The following NIBAN2 variants were observed in gnomAD, a reference collection of about 807,000 sequenced individuals.
The protein encoded by NIBAN2 is niban apoptosis regulator 2.
NIBAN2 carries 36 observed loss-of-function variants against 81.8 expected under a neutral mutation model. The ratio of observed to expected loss-of-function variants is 0.44; its 90% CI spans 0.34 to 0.58. NIBAN2 has a LOEUF of 0.58. NIBAN2 is among the 20% of genes least tolerant of loss of function. NIBAN2 has a pLI of 0.02. For missense variants in NIBAN2, 897 were observed against 1,014.1 expected (o/e 0.88, Z 1.57); for synonymous variants, 445 against 441.6 (o/e 1.01, Z -0.10).
intron 1 of NIBAN2, among the ~76,000 whole-genome samples, chr9:127,566,148 T>C (rs947026463): frequency 1.3e-5 from 2 of 151,916 alleles, no homozygotes; most frequent in Non-Finnish European, 2.9e-5. Context: ...AAAAAGATAT[T>C]ACTCCAAGGT....
chr9:127,540,703 G>A (rs10116135), intron 1 of NIBAN2, among the ~76,000 whole-genome samples: 16,478 of 152,218 alleles, frequency 0.11, 1,463 homozygotes, highest in Admixed American at 0.28. Context: ...CACGGACGGG[G>A]GACCCAAGAG....
intron 1 of NIBAN2, among the ~76,000 whole-genome samples, chr9:127,553,480 C>A (rs1464886193): frequency 2.6e-5 from 4 of 152,212 alleles, no homozygotes; most frequent in Non-Finnish European, 1.5e-5. Flanking sequence ...TGCCAGGTAC[C>A]AGGGGTGGCC....
Position 127,508,145 on chromosome 9 carries a change from A to C in NIBAN2, c.1490T>G (p.Leu497Arg). The change falls in exon 12 of 14, where the codon CTG becomes CGG. Residue 497 changes from leucine to arginine, a missense_variant. This residue lies in a region of NIBAN2 where 619 missense variants were observed against 691.0 expected (regional missense o/e 0.90). Transcript: ENST00000373312. The surrounding 1 kb of genome is among the most constrained non-coding windows in gnomAD (Gnocchi z 6.4). ...GAGCAGGAACGGGATGCTGATCTGC[A>C]GCAGCGCCTCCCGGAAGAACCTCTT... ...VRKRFFREALLQISIPFLLKK... is the reference protein window; with the variant it reads ...VRKRFFREALRQISIPFLLKK... 6.2e-7 allele frequency: 1 copy of C among 1,613,650 alleles called. No homozygotes were observed. The highest frequency in any genetic ancestry group is 2.2e-5 in the East Asian group (1 of 44,884).
chr9:127,543,903 C>A (rs1052356322), intron 1 of NIBAN2, among the ~76,000 whole-genome samples: 11 of 152,176 alleles, frequency 7.2e-5, no homozygotes, highest in African/African-American at 2.7e-4. Flanking sequence ...AGAGGCAGAT[C>A]CCATATATGC....
chr9:127,540,424 G>A (rs571406879), intron 1 of NIBAN2, among the ~76,000 whole-genome samples: 57 of 152,260 alleles, frequency 3.7e-4, no homozygotes, highest in African/African-American at 1.3e-3. Flanking sequence ...GGAGGGCCTC[G>A]AATGCCAAGC....
chr9:127,521,958 C>CT (rs1476428040), intron 5 of NIBAN2, among the ~76,000 whole-genome samples: 2 of 152,238 alleles, frequency 1.3e-5, no homozygotes, highest in African/African-American at 4.8e-5. Context: ...TGAGGTGGCC[C>CT]TTCCCCACCT....
Position 127,531,641 on chromosome 9 carries a change from C to T in NIBAN2, c.186+7G>A, listed in dbSNP as rs950944874. The T allele has an allele frequency of 5.0e-6, 8 of 1,612,156 alleles. No homozygotes were observed. The highest frequency in any genetic ancestry group is 6.8e-6 in the Non-Finnish European group (8 of 1,179,900). On this transcript the variant is annotated splice_region_variant and intron_variant, in intron 2 of 13. Transcript: ENST00000373312. ...GAACATACCCGAGCCCTCCCAGCAC[C>T]TCTCACCTTGCGCCAGAGCAGCTGG...
At position 127,527,283 on chromosome 9, in the gene NIBAN2, A is replaced by G. The variant is rs765905648; in HGVS notation, c.226T>C (p.Phe76Leu). 1.1e-5 allele frequency: 17 copies of G among 1,613,380 alleles called. No homozygotes were observed. Among genetic ancestry groups the G allele is most frequent in the Non-Finnish European group, 1.2e-5 (14 of 1,179,820 alleles). ...TTCTTGCTGTCCTCCTGGTGCTGGA[A>G]GAGGTTCCCCGAGAAGACGATGCGC... ...DERIVFSGNL[F>L]QHQEDSKKWR... The change falls in exon 3 of 14, where the codon TTC becomes CTC. Residue 76 changes from phenylalanine to leucine, a missense_variant. By Grantham distance (22) the Phe-to-Leu change is conservative. Around this residue, in one of 3 missense-constraint regions of NIBAN2, gnomAD observed 209 missense variants for 208.4 expected, o/e 1.00. Transcript: ENST00000373312.
intron 1 of NIBAN2, chr9:127,578,816 C>T (rs4240419): frequency 0.72 from 769,467 of 1,068,076 alleles, 278,304 homozygotes; most frequent in Admixed American, 0.79. Context: ...ATGATCATTC[C>T]GCTGCACTCC....
At chr9:127,532,111 G>A (rs1229763832) in intron 1 of NIBAN2, among the ~76,000 whole-genome samples, 1 of 152,212 alleles carries the variant, frequency 6.6e-6, no homozygotes, top group Non-Finnish European at 1.5e-5. Flanking sequence ...CAGAGCTGGG[G>A]GCGCCAGGAA....
At chr9:127,521,976 T>G (rs1836951938) in intron 5 of NIBAN2, among the ~76,000 whole-genome samples, 1 of 152,224 alleles carries the variant, frequency 6.6e-6, no homozygotes. Context: ...CCTTGTTCTG[T>G]GCCCACCCCT....
At chr9:127,521,415 ACC>A (rs1420265892) in intron 5 of NIBAN2, among the ~76,000 whole-genome samples, 1 of 152,020 alleles carries the variant, frequency 6.6e-6, no homozygotes, top group Non-Finnish European at 1.5e-5. Flanking sequence ...TGACCTCTGC[ACC>A]CCAGGCCAAC....
intron 2 of NIBAN2, among the ~76,000 whole-genome samples, chr9:127,527,770 C>G (rs1837104012): frequency 6.6e-6 from 1 of 152,230 alleles, no homozygotes; most frequent in Admixed American, 6.5e-5. Flanking sequence ...CTGCGAGGGC[C>G]CCAGTGCCTG....
In NIBAN2 at chr9:127,510,046, T is replaced by C. The variant is rs181682964; in HGVS notation, c.1161+100A>G. 104 of 1,182,844 alleles carry C rather than the reference T, an allele frequency of 8.8e-5. No individual in the cohort carries two copies. The East Asian group carries it at 2.6e-3, about 29-fold the overall frequency. 73.3% of individuals were successfully genotyped at this position (1,182,844 alleles called of 1,614,324 possible). ...CCCTCCCCGTCTACAGGGACGGCCT[T>C]GGAGGGGAACGGCTGCCCGGAGTCA... On this transcript the variant is annotated intron_variant, in intron 9 of 13. Coordinates refer to ENST00000373312, the MANE Select transcript of NIBAN2 (RefSeq NM_022833.4).
rs769689758 is a variant in NIBAN2 at position 127,510,191 on chromosome 9, C to A, written c.1116G>T (p.Met372Ile). ...RDVFFKEVTD[M>I]NLNVINEGGI... ...CGCCCTCGTTGATGACGTTCAGGTT[C>A]ATGTCCGTGACCTCCTTGAAGAAGA... The change falls in exon 9 of 14, where the codon ATG becomes ATT. Residue 372 changes from methionine (M) to isoleucine (I), a missense_variant. This residue lies in a region of NIBAN2 where 619 missense variants were observed against 691.0 expected (regional missense o/e 0.90). Transcript: ENST00000373312. The A allele has an allele frequency of 1.9e-6, 3 of 1,614,010 alleles. No homozygotes were observed. Among genetic ancestry groups the A allele is most frequent in the Middle Eastern group, 1.7e-4 (1 of 6,058 alleles).
chr9:127,554,437 A>AC (rs1448529447), intron 1 of NIBAN2, among the ~76,000 whole-genome samples: 6 of 149,972 alleles, frequency 4.0e-5, no homozygotes, highest in Non-Finnish European at 5.9e-5. Context: ...TGTGCTTGCA[A>AC]CCCCCTTGGG....
In NIBAN2 at chr9:127,517,254, G is replaced by C. The variant is rs770923749; in HGVS notation, c.706-38C>G. The C allele has an allele frequency of 4.4e-6, 7 of 1,576,138 alleles. No individual in the cohort carries two copies. Among genetic ancestry groups the C allele is most frequent in the Non-Finnish European group, 5.2e-6 (6 of 1,149,280 alleles). ...GGCACAAGCCAGGCCAGGGGCTGGA[G>C]AGCGCTCAGCTGGCCTGTTTCTCTC... On this transcript the variant is annotated intron_variant, in intron 6 of 13. Transcript: ENST00000373312. This position sits in a 1 kb window ranked among gnomAD's most constrained non-coding sequence, Gnocchi z 4.0.
At chr9:127,522,421 T>C (rs1836962235) in intron 5 of NIBAN2, among the ~76,000 whole-genome samples, 2 of 152,114 alleles carry the variant, frequency 1.3e-5, no homozygotes, top group Admixed American at 1.3e-4. Flanking sequence ...TCAGGCCAGA[T>C]CACCTGGAAG....
In NIBAN2 at chr9:127,558,525, C is replaced by A. The variant is rs1307341178; in HGVS notation, c.55+10295G>T. Among the ~76,000 whole-genome samples, 3 of 152,158 alleles carry A rather than the reference C, an allele frequency of 2.0e-5. No individual in the cohort carries two copies. The South Asian group carries it at 6.2e-4, about 32-fold the overall frequency. ...CTCATGGGGTCCTCCAGAACTAGGA[C>A]GAGGAAGGGTCTGGGCCTGAAAAAG... On this transcript the variant is annotated intron_variant, in intron 1 of 13. Coordinates refer to ENST00000373312, the MANE Select transcript of NIBAN2 (RefSeq NM_022833.4).
Sources: allele counts gnomAD v4.1 joint callset (sites outside exome capture counted in the v4.1 genomes callset), GRCh38; gene constraint gnomAD v4.1.1; regional missense constraint gnomAD v4.1.1; non-coding constraint Gnocchi (gnomAD v3.1); transcripts MANE v1.5; gene names NCBI Gene and HGNC (gene_info 2026-07-23, HGNC 2026-07-21).